The following ANKDD1B variants were observed in gnomAD, a reference collection of about 807,000 sequenced individuals.
ANKDD1B encodes ankyrin repeat and death domain containing 1B.
ANKDD1B carries 57 observed loss-of-function variants against 59.7 expected under a neutral mutation model. The observed-to-expected ratio is 0.95, with a 90% CI of 0.77 to 1.19. The LOEUF (loss-of-function observed/expected upper bound fraction) is 1.19. Among genes scored for constraint, ANKDD1B ranks in the 50% most tolerant of loss-of-function variants. ANKDD1B has a pLI of 0.00. For missense variants in ANKDD1B, 602 were observed against 641.9 expected (o/e 0.94, Z 0.67); for synonymous variants, 216 against 239.5 (o/e 0.90, Z 0.91).
At chr5:75,645,358 T>A (rs1431551051) in intron 7 of ANKDD1B, among the ~76,000 whole-genome samples, 306 of 66,658 alleles carry the variant, frequency 4.6e-3, no homozygotes, top group Non-Finnish European at 6.2e-3. Flanking sequence ...CTAGCAAGAC[T>A]AATAAAGAAA....
chr5:75,637,458 T>C (rs987356784), intron 7 of ANKDD1B, among the ~76,000 whole-genome samples: 13 of 151,936 alleles, frequency 8.6e-5, no homozygotes, highest in Admixed American at 6.6e-5. Context: ...AATGTTCTGA[T>C]CATTTCTAAA....
intron 7 of ANKDD1B, among the ~76,000 whole-genome samples, chr5:75,648,265 AT>A (rs1774702573): frequency 3.1e-4 from 3 of 9,794 alleles, no homozygotes; most frequent in Non-Finnish European, 4.1e-4. Flanking sequence ...AAAAAAAAAA[AT>A]TAAAAAAAAA....
chr5:75,666,518 C>T (rs1775309285), intron 11 of ANKDD1B, among the ~76,000 whole-genome samples: 1 of 152,138 alleles, frequency 6.6e-6, no homozygotes, highest in Non-Finnish European at 1.5e-5. Context: ...TCTCTGTTCT[C>T]ATTCTCTGTT....
At chr5:75,634,870 A>G (rs1251628359) in intron 5 of ANKDD1B, 28 bp from the exon 6 acceptor site, 1 of 1,388,792 alleles carries the variant, frequency 7.2e-7, no homozygotes, top group Non-Finnish European at 9.9e-7. Context: ...ACTGTAATAA[A>G]TGCTTGAGGT....
At chr5:75,624,317 C>T (rs1037097770) in intron 3 of ANKDD1B, among the ~76,000 whole-genome samples, 4 of 152,216 alleles carry the variant, frequency 2.6e-5, no homozygotes, top group African/African-American at 9.6e-5. Flanking sequence ...GAAGATCAGG[C>T]TCATAGTGTC....
At chr5:75,626,513 A>C (rs1774000023) in intron 5 of ANKDD1B, among the ~76,000 whole-genome samples, 1 of 152,232 alleles carries the variant, frequency 6.6e-6, no homozygotes, top group African/African-American at 2.4e-5. Flanking sequence ...TCAACAAATC[A>C]TTGCTGAATG....
chr5:75,632,312 A>C (rs1257668878), intron 5 of ANKDD1B, among the ~76,000 whole-genome samples: 5 of 152,208 alleles, frequency 3.3e-5, no homozygotes, highest in Non-Finnish European at 5.9e-5. Context: ...GTCTGAATGC[A>C]GGAGATCAAA....
intron 7 of ANKDD1B, among the ~76,000 whole-genome samples, chr5:75,648,655 C>G (rs1249189400): frequency 6.6e-6 from 1 of 152,088 alleles, no homozygotes; most frequent in Non-Finnish European, 1.5e-5. Context: ...GAATTTTTCC[C>G]GAGTTCATCA....
intron 1 of ANKDD1B, 133 bp downstream of exon 1, chr5:75,611,960 C>A: frequency 1.5e-6 from 1 of 688,718 alleles, no homozygotes; most frequent in Non-Finnish European, 2.0e-6. Flanking sequence ...AGCCCTGGGA[C>A]CCCGAGTCCC....
chr5:75,659,957 C>T (rs1462846388), intron 10 of ANKDD1B, among the ~76,000 whole-genome samples: 3 of 151,722 alleles, frequency 2.0e-5, no homozygotes, highest in Non-Finnish European at 4.4e-5. Context: ...CATAGTATAG[C>T]GTGGCACAGA....
chr5:75,659,318 T>C lies in ANKDD1B; in HGVS notation c.1032T>C (p.Arg344=). ...QQTPLHVAAD[R]GNVELVETLL... is the part of the protein sequence containing the mutation. ...CCCCTCTGCATGTAGCTGCTGATCGTGGAAATGTGGAACTGGTGGAAACCC... is the reference window on the plus strand; with the variant it reads ...CCCCTCTGCATGTAGCTGCTGATCGCGGAAATGTGGAACTGGTGGAAACCC... Residue 344 remains arginine, a synonymous_variant, in exon 10 of 14, where the codon CGT becomes CGC. Transcript: ENST00000601380. 1 of 1,536,078 alleles carries C rather than the reference T, an allele frequency of 6.5e-7. No homozygotes were observed. Among genetic ancestry groups the C allele is most frequent in the Non-Finnish European group, 8.7e-7 (1 of 1,146,886 alleles).
At chr5:75,669,727 C>G (rs550666108) in intron 13 of ANKDD1B, among the ~76,000 whole-genome samples, 8 of 152,232 alleles carry the variant, frequency 5.3e-5, no homozygotes, top group African/African-American at 1.4e-4. Context: ...TTGTTCTCCA[C>G]GACTAAGAGT....
intron 2 of ANKDD1B, among the ~76,000 whole-genome samples, chr5:75,617,932 G>T (rs1773753826): frequency 6.6e-6 from 1 of 152,094 alleles, no homozygotes; most frequent in Non-Finnish European, 1.5e-5. Context: ...TGTGGCGGCA[G>T]TAGGGGGGTG....
chr5:75,659,319 G>A lies in ANKDD1B; in HGVS notation c.1033G>A (p.Gly345Arg). The A allele has an allele frequency of 6.5e-7, 1 of 1,536,058 alleles. No homozygotes were observed. Among genetic ancestry groups the A allele is most frequent in the Non-Finnish European group, 8.7e-7 (1 of 1,146,884 alleles). ...CCCTCTGCATGTAGCTGCTGATCGT[G>A]GAAATGTGGAACTGGTGGAAACCCT... is the stretch of plus-strand genomic sequence containing the variant. ...QTPLHVAADRGNVELVETLLK... is the reference protein window; with the variant it reads ...QTPLHVAADRRNVELVETLLK... The change falls in exon 10 of 14, where the codon GGA becomes AGA. Residue 345 changes from glycine to arginine, a missense_variant. Around this residue, in one of 3 missense-constraint regions of ANKDD1B, gnomAD observed 280 missense variants for 319.8 expected, o/e 0.88. Coordinates refer to ENST00000601380, the MANE Select transcript of ANKDD1B (RefSeq NM_001276713.2).
chr5:75,641,050 T>C (rs1774448690), intron 7 of ANKDD1B, among the ~76,000 whole-genome samples: 1 of 152,206 alleles, frequency 6.6e-6, no homozygotes, highest in Non-Finnish European at 1.5e-5. Context: ...AAAAAAAGTT[T>C]ATTGTGTGAA....
chr5:75,647,180 CAT>C (rs1457038587), intron 7 of ANKDD1B, among the ~76,000 whole-genome samples: 1 of 106,552 alleles, frequency 9.4e-6, no homozygotes, highest in East Asian at 2.3e-4. Context: ...CCATTCAGGA[CAT>C]AGGCGTGGGC....
chr5:75,616,321 C>A (rs1773715090), intron 1 of ANKDD1B, among the ~76,000 whole-genome samples: 1 of 152,124 alleles, frequency 6.6e-6, no homozygotes, highest in African/African-American at 2.4e-5. Flanking sequence ...ATTTTAATCC[C>A]CTTTAACTTT....
At chr5:75,632,768 A>C (rs1233033163) in intron 5 of ANKDD1B, among the ~76,000 whole-genome samples, 2 of 152,130 alleles carry the variant, frequency 1.3e-5, no homozygotes, top group African/African-American at 2.4e-5. Flanking sequence ...CCCATATATA[A>C]GCAGCACTCG....
chr5:75,614,444 TC>T (rs200895115), intron 1 of ANKDD1B, among the ~76,000 whole-genome samples: 4,841 of 152,244 alleles, frequency 0.032, 229 homozygotes, highest in African/African-American at 0.1. Flanking sequence ...TATACAAACA[TC>T]CTTGAAAAGG....
Sources: gnomAD v4.1 joint callset for allele counts (sites outside exome capture counted in the v4.1 genomes callset) on GRCh38, gnomAD v4.1.1 for gene constraint, gnomAD v4.1.1 regional missense constraint, MANE v1.5 for transcripts, NCBI Gene and HGNC (gene_info 2026-07-23, HGNC 2026-07-21) for gene names.